Variants in NWD2 observed in about 807,000 individuals in gnomAD.
NWD2 encodes the protein NACHT and WD repeat domain-containing protein 2.
In NWD2, 37 loss-of-function variants were observed where a neutral mutation model predicts 132.7. The observed-to-expected ratio is 0.28, with a 90% CI of 0.21 to 0.37. The LOEUF (loss-of-function observed/expected upper bound fraction) is 0.37. Ranked by LOEUF, NWD2 falls within the 10% of genes least tolerant of loss-of-function variation. NWD2 has a pLI of 1.00. For synonymous variants in NWD2, 705 were observed against 803.0 expected (o/e 0.88, Z 2.06); for missense variants, 1,592 against 2,122.4 (o/e 0.75, Z 4.91).
In NWD2 at chr4:37,444,695, G is replaced by A. The variant is rs1311275891; in HGVS notation, c.2707G>A (p.Val903Ile). The change falls in exon 7 of 7, where the codon GTC becomes ATC. Residue 903 changes from valine (V) to isoleucine (I), a missense_variant. By Grantham distance (29) the Val-to-Ile change is conservative. Around this residue, in one of 7 missense-constraint regions of NWD2, gnomAD observed 1,071 missense variants for 1,398.0 expected, o/e 0.77. Transcript: ENST00000309447. The surrounding 1 kb of genome is among the most constrained non-coding windows in gnomAD (Gnocchi z 4.8). ...ANTLRSIKNK[V>I]TAFPGSLSAE... The stretch of plus-strand genomic sequence containing the variant: ...CACCCTCCGCAGCATCAAAAACAAG[G>A]TCACTGCATTTCCCGGCTCCCTTTC... The A allele has an allele frequency of 2.6e-6, 4 of 1,552,032 alleles. No individual in the cohort carries two copies. Among genetic ancestry groups the A allele is most frequent in the Non-Finnish European group, 3.5e-6 (4 of 1,147,102 alleles).
intron 1 of NWD2, among the ~76,000 whole-genome samples, chr4:37,261,967 T>C (rs891189871): frequency 2.6e-5 from 4 of 152,202 alleles, no homozygotes; most frequent in African/African-American, 9.7e-5. Context: ...TGGCAGAGCA[T>C]GACTGGGGTG....
chr4:37,359,975 G>A (rs1406674875), intron 3 of NWD2, among the ~76,000 whole-genome samples: 1 of 152,320 alleles, frequency 6.6e-6, no homozygotes, highest in Non-Finnish European at 1.5e-5. Context: ...ATCTTACTGA[G>A]AAGAACAACA....
intron 1 of NWD2, among the ~76,000 whole-genome samples, chr4:37,279,857 T>A (rs777916896): frequency 4.6e-5 from 7 of 152,180 alleles, no homozygotes; most frequent in Non-Finnish European, 5.9e-5. Flanking sequence ...ATAAGAGAAT[T>A]CCCTAGAGGA....
Position 37,273,510 on chromosome 4 carries a change from T to A in NWD2, c.151+28292T>A, listed in dbSNP as rs190962882. Among the ~76,000 whole-genome samples the A allele has an allele frequency of 2.6e-5, 4 of 152,150 alleles. No homozygotes were observed. In the East Asian group the frequency reaches 7.7e-4, roughly 29 times the overall value. On this transcript the variant is annotated intron_variant, in intron 1 of 6. Transcript: ENST00000309447. ...GACTTTAACACCCCACTGTTAACAT[T>A]AGACAGAGCAATGAGACAGAAAGTT...
intron 1 of NWD2, among the ~76,000 whole-genome samples, chr4:37,289,292 T>C (rs1718310217): frequency 6.6e-6 from 1 of 152,218 alleles, no homozygotes; most frequent in South Asian, 2.1e-4. Context: ...TTCTGACTTT[T>C]CATAGCTGAA....
intron 1 of NWD2, among the ~76,000 whole-genome samples, chr4:37,315,416 C>A (rs147636933): frequency 0.014 from 2,181 of 152,144 alleles, 21 homozygotes; most frequent in Non-Finnish European, 0.021. Flanking sequence ...TTTAATTTTG[C>A]CAGCTTCTCC....
At chr4:37,270,991 A>G (rs115769680) in intron 1 of NWD2, among the ~76,000 whole-genome samples, 1,821 of 151,944 alleles carry the variant, frequency 0.012, 29 homozygotes, top group East Asian at 0.083. Flanking sequence ...CCATCTGTTA[A>G]AAAGACTTTC....
Position 37,443,557 on chromosome 4 carries a change from T to G in NWD2, c.1569T>G (p.Asp523Glu). 8 of 1,551,830 alleles carry G rather than the reference T, an allele frequency of 5.2e-6. No homozygotes were observed. Among genetic ancestry groups the G allele is most frequent in the Non-Finnish European group, 7.0e-6 (8 of 1,147,034 alleles). ...CACTAGAGCAGCTCTCAGAGAATGA[T>G]GATGCCAGGAAGCTTTGGTGGCTCC... ...FDALEQLSEN[D>E]DARKLWWLPA... The change falls in exon 7 of 7, where the codon GAT becomes GAG. Residue 523 changes from aspartate (D) to glutamate (E), a missense_variant. This residue lies in a region of NWD2 where 1,071 missense variants were observed against 1,398.0 expected (regional missense o/e 0.77). Coordinates refer to ENST00000309447, the MANE Select transcript of NWD2 (RefSeq NM_001144990.2). The surrounding 1 kb of genome is among the most constrained non-coding windows in gnomAD (Gnocchi z 4.1).
Position 37,447,028 on chromosome 4 carries a change from T to C in NWD2, c.5040T>C (p.Tyr1680=), listed in dbSNP as rs1199626848. The change falls in exon 7 of 7, where the codon TAT becomes TAC. Residue 1680 remains tyrosine, a synonymous_variant. Coordinates refer to ENST00000309447, the MANE Select transcript of NWD2 (RefSeq NM_001144990.2). ...CCTCCAGGCCAAAGTGTAACAGTTATTGTTTTAAAATATCTGTGGATTGCT... is the reference window on the plus strand; with the variant it reads ...CCTCCAGGCCAAAGTGTAACAGTTACTGTTTTAAAATATCTGTGGATTGCT... The part of the protein sequence containing the change: ...THTSRPKCNS[Y]CFKISVDCLW... The C allele has an allele frequency of 1.3e-6, 2 of 1,551,590 alleles. No homozygotes were observed. The highest frequency in any genetic ancestry group is 1.4e-5 in the African/African-American group (1 of 73,028).
At chr4:37,417,682 G>A (rs1375912976) in intron 3 of NWD2, among the ~76,000 whole-genome samples, 2 of 152,122 alleles carry the variant, frequency 1.3e-5, no homozygotes, top group Admixed American at 6.6e-5. Flanking sequence ...CCCACAAGGA[G>A]GAGACTAACA....
intron 1 of NWD2, among the ~76,000 whole-genome samples, chr4:37,289,997 G>A (rs751652279): frequency 6.6e-6 from 1 of 152,152 alleles, no homozygotes; most frequent in Non-Finnish European, 1.5e-5. Flanking sequence ...ACTTTCTGAG[G>A]CTATTTCGCT....
In NWD2 at chr4:37,447,073, G is replaced by A; in HGVS notation, c.5085G>A (p.Glu1695=). 1 of 1,551,654 alleles carries A rather than the reference G, an allele frequency of 6.4e-7. No homozygotes were observed. Among genetic ancestry groups the A allele is most frequent in the Non-Finnish European group, 8.7e-7 (1 of 1,147,000 alleles). ...SVDCLWREST[E]VFARDSPITV... Reference sequence around the variant, plus strand: ...ATTGCTTATGGAGAGAGTCCACTGAGGTCTTTGCAAGAGACAGCCCCATCA... The same window carrying A: ...ATTGCTTATGGAGAGAGTCCACTGAAGTCTTTGCAAGAGACAGCCCCATCA... Residue 1695 remains glutamate (E), a synonymous_variant, in exon 7 of 7, where the codon GAG becomes GAA. Transcript: ENST00000309447.
chr4:37,412,199 CTGTT>C (rs1721173773), intron 3 of NWD2, among the ~76,000 whole-genome samples: 1 of 152,214 alleles, frequency 6.6e-6, no homozygotes. Flanking sequence ...CAAATTGTCT[CTGTT>C]TGCAGATGGC....
At chr4:37,304,557 G>C (rs1466573829) in intron 1 of NWD2, among the ~76,000 whole-genome samples, 1 of 109,720 alleles carries the variant, frequency 9.1e-6, no homozygotes, top group Non-Finnish European at 2.2e-5. Context: ...GGATACAGTG[G>C]GGGTACAGGC....
chr4:37,250,048 C>T (rs1717325801), intron 1 of NWD2, among the ~76,000 whole-genome samples: 1 of 152,146 alleles, frequency 6.6e-6, no homozygotes, highest in Admixed American at 6.5e-5. Flanking sequence ...CAGTATTCTT[C>T]ATCATTATTC....
At chr4:37,399,998 A>G (rs1720870666) in intron 3 of NWD2, among the ~76,000 whole-genome samples, 2 of 152,236 alleles carry the variant, frequency 1.3e-5, no homozygotes, top group Admixed American at 1.3e-4. Context: ...TCTGTCTCAC[A>G]TATTTTCTAA....
intron 1 of NWD2, among the ~76,000 whole-genome samples, chr4:37,277,061 C>T (rs1718033746): frequency 6.6e-6 from 1 of 151,758 alleles, no homozygotes; most frequent in African/African-American, 2.4e-5. Flanking sequence ...GTGCAGCACA[C>T]CAACATGGCA....
chr4:37,385,686 C>T lies in NWD2; in HGVS notation c.357+29204C>T, dbSNP rs1720549349. 2.0e-5 allele frequency among the ~76,000 whole-genome samples: 3 copies of T among 152,062 alleles called. No homozygotes were observed. The South Asian group carries it at 6.2e-4, about 32-fold the overall frequency. ...ACACCAGGCTGAGGGGCCATGTCCA[C>T]CAGGAAAGCATAAGCTACCTCATGA... On this transcript the variant is annotated intron_variant, in intron 3 of 6. Coordinates refer to ENST00000309447, the MANE Select transcript of NWD2 (RefSeq NM_001144990.2).
intron 3 of NWD2, among the ~76,000 whole-genome samples, chr4:37,361,223 A>G (rs917563558): frequency 6.6e-6 from 1 of 152,174 alleles, no homozygotes; most frequent in Non-Finnish European, 1.5e-5. Flanking sequence ...AGATACATTC[A>G]CAGACAAATT....
Sources: gnomAD v4.1 joint callset for allele counts (sites outside exome capture counted in the v4.1 genomes callset) on GRCh38, gnomAD v4.1.1 for gene constraint, gnomAD v4.1.1 regional missense constraint, Gnocchi (gnomAD v3.1) non-coding constraint, MANE v1.5 for transcripts, NCBI Gene and HGNC (gene_info 2026-07-23, HGNC 2026-07-21) for gene names.